The following LHFPL6 variants were observed in gnomAD, a reference collection of about 807,000 sequenced individuals.
The protein encoded by LHFPL6 is LHFPL tetraspan subfamily member 6.
LHFPL6 carries 9 observed loss-of-function variants against 20.6 expected under a neutral mutation model. The observed-to-expected ratio is 0.44, with a 90% confidence interval of 0.26 to 0.76. The LOEUF (loss-of-function observed/expected upper bound fraction) is 0.76. Among genes scored for constraint, LHFPL6 ranks in the 30% least tolerant of loss-of-function variants. LHFPL6 has a pLI of 0.20. For synonymous variants in LHFPL6, 105 were observed against 98.7 expected, an observed-to-expected ratio of 1.06 and a Z score of -0.38; for missense variants, 218 against 253.5, an observed-to-expected ratio of 0.86 and a Z score of 0.95.
intron 2 of LHFPL6, among the ~76,000 whole-genome samples, chr13:39,596,623 G>A (rs1334373323): frequency 6.7e-6 from 1 of 149,616 alleles, no homozygotes; most frequent in Non-Finnish European, 1.5e-5. Flanking sequence ...TAAAACAAGA[G>A]TAGTTATTAT....
rs147774517 is a variant in LHFPL6, at chr13:39,600,834, C to A, written c.383G>T (p.Gly128Val). 2.0e-6 allele frequency: 3 copies of A among 1,485,638 alleles called. No individual in the cohort carries two copies. The highest frequency in any genetic ancestry group is 2.7e-6 in the Non-Finnish European group (3 of 1,114,392). The allele number at this position is 1,485,638 out of a possible 1,614,324, so 92.0% of individuals were successfully genotyped here. A position where few individuals can be genotyped will look rare whatever the true frequency, so the allele number is the denominator to read the frequency against. ...GRVAGGIQFL[G>V]GLLIGAGCAL... The stretch of plus-strand genomic sequence containing the variant: ...CTCAAGCTCAGCAAGTCACTTACCC[C>A]CAAGAAACTGAATTCCTCCAGCCAC... Residue 128 changes from glycine (G) to valine (V), a missense_variant and splice_region_variant, in exon 2 of 4, where the codon GGG becomes GTG. By Grantham distance (109) the Gly-to-Val change is moderately radical. Coordinates refer to ENST00000379589, the MANE Select transcript of LHFPL6 (RefSeq NM_005780.3).
intron 2 of LHFPL6, among the ~76,000 whole-genome samples, chr13:39,440,114 G>C (rs565786064): frequency 4.6e-5 from 7 of 152,322 alleles, no homozygotes; most frequent in Admixed American, 1.3e-4. Flanking sequence ...GGTAGAGAGA[G>C]AGAGATCACA....
At chr13:39,594,955 C>T (rs561414407) in intron 2 of LHFPL6, among the ~76,000 whole-genome samples, 2 of 151,700 alleles carry the variant, frequency 1.3e-5, no homozygotes, top group Admixed American at 6.6e-5. Flanking sequence ...CATCACATAC[C>T]GGGGCCTATT....
chr13:39,423,839 T>C (rs1871560324), intron 2 of LHFPL6, among the ~76,000 whole-genome samples: 1 of 152,176 alleles, frequency 6.6e-6, no homozygotes, highest in Non-Finnish European at 1.5e-5. Flanking sequence ...CAACATGGAA[T>C]TGGGGAAGGA....
chr13:39,508,362 C>T (rs1475198604), intron 2 of LHFPL6, among the ~76,000 whole-genome samples: 1 of 152,136 alleles, frequency 6.6e-6, no homozygotes, highest in African/African-American at 2.4e-5. Context: ...ACCTGAAGTA[C>T]ACAATTGATA....
intron 2 of LHFPL6, among the ~76,000 whole-genome samples, chr13:39,576,051 C>G (rs1388914275): frequency 6.6e-6 from 1 of 152,146 alleles, no homozygotes; most frequent in Non-Finnish European, 1.5e-5. Context: ...CGAAACCTAC[C>G]CCAGGGGATT....
chr13:39,569,495 T>C (rs1871845293), intron 2 of LHFPL6, among the ~76,000 whole-genome samples: 1 of 152,118 alleles, frequency 6.6e-6, no homozygotes. Context: ...AAATTGCAAA[T>C]GGTATTATTA....
intron 2 of LHFPL6, among the ~76,000 whole-genome samples, chr13:39,458,692 C>CT (rs902608923): frequency 1.0e-4 from 13 of 129,254 alleles, no homozygotes; most frequent in African/African-American, 4.1e-4. Flanking sequence ...AATACCCTGC[C>CT]TAAAAAAAAA....
intron 2 of LHFPL6, among the ~76,000 whole-genome samples, chr13:39,573,933 C>A (rs1176263684): frequency 6.6e-6 from 1 of 152,042 alleles, no homozygotes; most frequent in Non-Finnish European, 1.5e-5. Flanking sequence ...ACATACGGGT[C>A]CAAGGCACCT....
intron 2 of LHFPL6, among the ~76,000 whole-genome samples, chr13:39,462,267 G>T (rs1339063935): frequency 1.3e-5 from 2 of 152,112 alleles, no homozygotes; most frequent in Non-Finnish European, 2.9e-5. Context: ...TCCCCTCTAA[G>T]GATTTATTTA....
chr13:39,525,633 T>A (rs1248627597), intron 2 of LHFPL6, among the ~76,000 whole-genome samples: 1 of 152,066 alleles, frequency 6.6e-6, no homozygotes, highest in Non-Finnish European at 1.5e-5. Flanking sequence ...ATCTTCTTTT[T>A]GACCTTGAGG....
Position 39,441,191 on chromosome 13 carries a change from AG to A in LHFPL6, c.386-62666del, listed in dbSNP as rs1391306256. Among the ~76,000 whole-genome samples, 36 of 115,526 alleles carry A rather than the reference AG, an allele frequency of 3.1e-4. No individual in the cohort carries two copies. The Admixed American group carries it at 4.4e-3, about 14-fold the overall frequency. 75.8% of individuals were successfully genotyped at this position (115,526 alleles called of 152,430 possible). A position where few individuals can be genotyped will look rare whatever the true frequency, so the allele number is the denominator to read the frequency against. ...TGGAGAAAGGCTCTCTCTGTTGCTC[AG>A]GTTGATCTTAAACTCCTGGGTCAAA... On this transcript the variant is annotated intron_variant, in intron 2 of 3. Coordinates refer to ENST00000379589, the MANE Select transcript of LHFPL6 (RefSeq NM_005780.3).
chr13:39,588,466 C>T, intron 2 of LHFPL6, among the ~76,000 whole-genome samples: 1 of 152,176 alleles, frequency 6.6e-6, no homozygotes, highest in African/African-American at 2.4e-5. Flanking sequence ...CTGCCATTCC[C>T]AAATAAGTTT....
chr13:39,495,615 TTG>T (rs1869073877), intron 2 of LHFPL6, among the ~76,000 whole-genome samples: 1 of 151,790 alleles, frequency 6.6e-6, no homozygotes, highest in African/African-American at 2.4e-5. Context: ...TTTTTTTTTT[TTG>T]TAAGTATATG....
At chr13:39,558,770 G>C (rs1871384956) in intron 2 of LHFPL6, among the ~76,000 whole-genome samples, 1 of 152,146 alleles carries the variant, frequency 6.6e-6, no homozygotes, top group Non-Finnish European at 1.5e-5. Context: ...CCCAGCACCA[G>C]GCAGGATACC....
intron 2 of LHFPL6, among the ~76,000 whole-genome samples, chr13:39,523,430 G>A (rs1227404193): frequency 6.6e-6 from 1 of 152,040 alleles, no homozygotes; most frequent in Non-Finnish European, 1.5e-5. Context: ...TTAACCGGGC[G>A]AGGTGGCGGG....
rs545300837 is a variant in LHFPL6 at position 39,600,881 on chromosome 13, G to A, written c.336C>T (p.Leu112=). ...TALMGCCVSD[L]ISRTVGRVAG... ...CCACTCTTCCCACTGTCCTGGAGAT[G>A]AGGTCGGAAACACAGCAACCCATGA... The change falls in exon 2 of 4, where the codon CTC becomes CTT. Residue 112 remains leucine (L), a synonymous_variant. Coordinates refer to ENST00000379589, the MANE Select transcript of LHFPL6 (RefSeq NM_005780.3). The A allele has an allele frequency of 3.3e-6, 5 of 1,538,358 alleles. No homozygotes were observed. The highest frequency in any genetic ancestry group is 2.0e-5 in the Admixed American group (1 of 50,744).
chr13:39,451,032 G>T (rs1872430850), intron 2 of LHFPL6, among the ~76,000 whole-genome samples: 1 of 152,004 alleles, frequency 6.6e-6, no homozygotes, highest in Non-Finnish European at 1.5e-5. Flanking sequence ...AATAATACTA[G>T]GTAATATTTT....
chr13:39,387,984 G>A (rs1870610852), intron 2 of LHFPL6, among the ~76,000 whole-genome samples: 1 of 152,134 alleles, frequency 6.6e-6, no homozygotes, highest in Admixed American at 6.5e-5. Context: ...CCCCAGTTGT[G>A]AGCGCTGGCA....
Sources: gnomAD v4.1 joint callset for allele counts (sites outside exome capture counted in the v4.1 genomes callset) on GRCh38, gnomAD v4.1.1 for gene constraint, MANE v1.5 for transcripts, NCBI Gene and HGNC (gene_info 2026-07-23, HGNC 2026-07-21) for gene names.